PIK3AP1: variants seen among roughly 807,000 people sequenced by gnomAD.
PIK3AP1 encodes phosphoinositide-3-kinase adaptor protein 1.
PIK3AP1 carries 21 observed loss-of-function variants against 88.1 expected under a neutral mutation model. The ratio of observed to expected loss-of-function variants is 0.24; its 90% CI spans 0.17 to 0.34. The LOEUF is 0.34. Ranked by LOEUF, PIK3AP1 falls within the 10% of genes least tolerant of loss-of-function variation. PIK3AP1 has a pLI of 1.00. For synonymous variants in PIK3AP1, 398 were observed against 400.0 expected (o/e 1.00, Z 0.06); for missense variants, 828 against 1,035.7 (o/e 0.80, Z 2.75).
At position 96,595,433 on chromosome 10, in the gene PIK3AP1, CCAG is replaced by C. The variant is rs1848738084; in HGVS notation, c.*141_*143del. ...ATAAAATCTTCGAGGCAAGCCCAAA[CCAG>C]CAGGGCTGCAGCATTATCAGCAATG... is the stretch of plus-strand genomic sequence containing the variant. On this transcript the variant is annotated 3_prime_UTR_variant, in exon 17 of 17. Coordinates refer to ENST00000339364, the MANE Select transcript of PIK3AP1 (RefSeq NM_152309.3). 4.4e-6 allele frequency: 4 copies of C among 916,280 alleles called. No individual in the cohort carries two copies. Among genetic ancestry groups the C allele is most frequent in the Non-Finnish European group, 5.0e-6 (3 of 602,794 alleles). The allele number at this position is 916,280 out of a possible 1,614,324, so 56.8% of individuals were successfully genotyped here.
intron 2 of PIK3AP1, among the ~76,000 whole-genome samples, chr10:96,674,562 G>C (rs1305939716): frequency 6.6e-6 from 1 of 152,240 alleles, no homozygotes; most frequent in Non-Finnish European, 1.5e-5. Context: ...CAGATTTCCT[G>C]ACATTCATTC....
intron 7 of PIK3AP1, among the ~76,000 whole-genome samples, chr10:96,647,767 T>C (rs1843479990): frequency 6.6e-6 from 1 of 152,126 alleles, no homozygotes; most frequent in South Asian, 2.1e-4. Flanking sequence ...CGGGCTGTGT[T>C]TATTGCTCCC....
intron 2 of PIK3AP1, among the ~76,000 whole-genome samples, chr10:96,694,227 C>T (rs1844191001): frequency 6.6e-6 from 1 of 152,212 alleles, no homozygotes; most frequent in Non-Finnish European, 1.5e-5. Flanking sequence ...TGCTAGGACA[C>T]ATAAACTTCA....
intron 2 of PIK3AP1, among the ~76,000 whole-genome samples, chr10:96,662,005 C>T (rs1843695041): frequency 6.6e-6 from 1 of 152,034 alleles, no homozygotes; most frequent in Non-Finnish European, 1.5e-5. Flanking sequence ...TACATGTGAA[C>T]ATTTTATCAG....
intron 11 of PIK3AP1, among the ~76,000 whole-genome samples, chr10:96,622,719 G>A (rs1208870951): frequency 6.6e-6 from 1 of 152,166 alleles, no homozygotes; most frequent in Non-Finnish European, 1.5e-5. Flanking sequence ...CTTAGATGGT[G>A]TCATGGCTAC....
At chr10:96,697,521 G>A (rs865982210) in intron 2 of PIK3AP1, among the ~76,000 whole-genome samples, 3 of 152,152 alleles carry the variant, frequency 2.0e-5, no homozygotes, top group South Asian at 4.1e-4. Flanking sequence ...CCAGGAGTTC[G>A]AGACTAGCCT....
At chr10:96,661,833 AGGAAAGGGAAAAGGGAAAG>A (rs1429747380) in intron 2 of PIK3AP1, among the ~76,000 whole-genome samples, 7 of 151,012 alleles carry the variant, frequency 4.6e-5, no homozygotes, top group Non-Finnish European at 8.9e-5. Flanking sequence ...AGGACAGGAA[AGGAAAGGGAAAAGGGAAAG>A]GGAAAGGAAA....
chr10:96,669,447 T>A (rs1843811663), intron 2 of PIK3AP1: 1 of 152,242 alleles, frequency 6.6e-6, no homozygotes, highest in Non-Finnish European at 1.5e-5. Flanking sequence ...CCTGTACAGC[T>A]GTGTCCCTTA....
At chr10:96,717,713 C>T (rs918230664) in intron 1 of PIK3AP1, among the ~76,000 whole-genome samples, 1 of 152,160 alleles carries the variant, frequency 6.6e-6, no homozygotes, top group African/African-American at 2.4e-5. Context: ...TTTCTTCACC[C>T]AGCCACAGAC....
chr10:96,617,422 G>T (rs2134197682), intron 12 of PIK3AP1, among the ~76,000 whole-genome samples: 1 of 152,310 alleles, frequency 6.6e-6, no homozygotes, highest in East Asian at 1.9e-4. Context: ...TCATGTTGGG[G>T]AGTCACAGGA....
intron 2 of PIK3AP1, among the ~76,000 whole-genome samples, chr10:96,663,275 AC>A (rs971601457): frequency 1.4e-4 from 22 of 152,272 alleles, no homozygotes; most frequent in African/African-American, 5.1e-4. Context: ...TACGAAAAAA[AC>A]ATTGAATTGT....
intron 2 of PIK3AP1, among the ~76,000 whole-genome samples, chr10:96,705,410 C>T (rs1355708462): frequency 6.6e-6 from 1 of 152,106 alleles, no homozygotes. Context: ...GGAGATGTGG[C>T]ACTTACCACC....
chr10:96,651,222 T>A, intron 6 of PIK3AP1, 26 bp downstream of exon 6: 3 of 1,614,178 alleles, frequency 1.9e-6, no homozygotes, highest in Non-Finnish European at 2.5e-6. Flanking sequence ...CCACGTTGGT[T>A]TCCTGAGGTT....
At chr10:96,707,630 C>A (rs562148133) in intron 2 of PIK3AP1, among the ~76,000 whole-genome samples, 1 of 152,154 alleles carries the variant, frequency 6.6e-6, no homozygotes, top group South Asian at 2.1e-4. Flanking sequence ...TCTGTTACAG[C>A]GTACAGTATG....
chr10:96,660,388 A>G (rs917968128), intron 2 of PIK3AP1, among the ~76,000 whole-genome samples: 4 of 152,166 alleles, frequency 2.6e-5, no homozygotes, highest in Admixed American at 6.5e-5. Flanking sequence ...TCCACATCAT[A>G]TGTCATCAGG....
At chr10:96,719,051 A>G (rs922780746) in intron 1 of PIK3AP1, among the ~76,000 whole-genome samples, 2 of 152,168 alleles carry the variant, frequency 1.3e-5, no homozygotes, top group African/African-American at 4.8e-5. Flanking sequence ...TCGTTTTCCC[A>G]TAACACATGT....
chr10:96,593,695 A>C lies in PIK3AP1; in HGVS notation c.*1882T>G, dbSNP rs1848710109. 1 of 152,216 alleles carries C rather than the reference A, an allele frequency of 6.6e-6. No individual in the cohort carries two copies. The highest frequency in any genetic ancestry group is 1.5e-5 in the Non-Finnish European group (1 of 68,038). The allele number at this position is 152,216 out of a possible 1,614,324, so 9.4% of individuals were successfully genotyped here. ...GACAAGGAGAGTAAAAGGATCACTG[A>C]GGGAACATTTGAAGAATGCTACTAA... is the stretch of plus-strand genomic sequence containing the variant. On this transcript the variant is annotated 3_prime_UTR_variant, in exon 17 of 17. Transcript: ENST00000339364.
At chr10:96,697,368 T>C (rs1844235260) in intron 2 of PIK3AP1, among the ~76,000 whole-genome samples, 1 of 152,186 alleles carries the variant, frequency 6.6e-6, no homozygotes, top group Admixed American at 6.5e-5. Context: ...ACTTGGATTA[T>C]CTGAGTGCAA....
At chr10:96,677,578 T>TACAC (rs35018772) in intron 2 of PIK3AP1, among the ~76,000 whole-genome samples, 13,210 of 121,038 alleles carry the variant, frequency 0.11, 778 homozygotes, top group African/African-American at 0.15. Flanking sequence ...ACTAAGCACA[T>TACAC]ACACACACAC....
Sources: gnomAD v4.1 joint callset for allele counts (sites outside exome capture counted in the v4.1 genomes callset) on GRCh38, gnomAD v4.1.1 for gene constraint, MANE v1.5 for transcripts, NCBI Gene and HGNC (gene_info 2026-07-23, HGNC 2026-07-21) for gene names.